Variants in TRIM61 observed in about 807,000 individuals in gnomAD.
The protein encoded by TRIM61 is tripartite motif containing 61.
Under a neutral mutation model 14.2 loss-of-function variants are expected in TRIM61, and 1 was observed. The ratio of observed to expected loss-of-function variants is 0.07; its 90% CI spans 0.03 to 0.33. The LOEUF (loss-of-function observed/expected upper bound fraction) is 0.33, where lower values mean the gene tolerates loss of function less well. Among genes scored for constraint, TRIM61 ranks in the 10% least tolerant of loss-of-function variants. TRIM61 has a pLI of 0.99. For missense variants in TRIM61, 19 were observed against 202.2 expected (o/e 0.09, Z 5.49); for synonymous variants, 8 against 71.6 (o/e 0.11, Z 4.49).
Position 164,970,383 on chromosome 4 carries a change from A to G in TRIM61, c.-337-44T>C, listed in dbSNP as rs188788366. 4.7e-3 allele frequency: 1,008 copies of G among 213,616 alleles called. 10 individuals are homozygous for G. Among genetic ancestry groups the G allele is most frequent in the African/African-American group, 0.021 (907 of 42,832 alleles). 13.2% of individuals were successfully genotyped at this position (213,616 alleles called of 1,614,324 possible). ...ACCACGTTAAAATTCCATAATCACA[A>G]ATGTATTAAACGTTCACACAAGAAT... is the stretch of plus-strand genomic sequence containing the variant. On this transcript the variant is annotated intron_variant, in intron 2 of 4. Transcript: ENST00000329314.
chr4:164,954,812 A>C (rs1731943603), intron 4 of TRIM61: 2 of 152,984 alleles, frequency 1.3e-5, no homozygotes, highest in African/African-American at 4.8e-5. Flanking sequence ...TATTTACTTA[A>C]AATTTTATTG....
intron 3 of TRIM61, among the ~76,000 whole-genome samples, chr4:164,955,583 A>C (rs1731967221): frequency 6.6e-6 from 1 of 151,894 alleles, no homozygotes; most frequent in African/African-American, 2.4e-5. Context: ...AAAAAAAAAA[A>C]AAAAAAACAA....
chr4:164,968,286 A>AC (rs1732284490), intron 3 of TRIM61: 10 of 966,888 alleles, frequency 1.0e-5, no homozygotes, highest in Non-Finnish European at 1.1e-5. Flanking sequence ...AGAAATACAG[A>AC]AAAAAATTAC....
At chr4:164,969,182 T>G (rs1732304602) in intron 3 of TRIM61, 6 of 1,220,482 alleles carry the variant, frequency 4.9e-6, no homozygotes, top group Non-Finnish European at 6.1e-6. Context: ...GTAACCATAT[T>G]TTTTTAATTT....
At chr4:164,957,053 T>A (rs1010196086) in intron 3 of TRIM61, 4 of 1,512,186 alleles carry the variant, frequency 2.6e-6, no homozygotes, top group Non-Finnish European at 3.5e-6. Context: ...GCGGGGCAGC[T>A]GTCCTCTTCT....
At chr4:164,968,087 G>A in intron 3 of TRIM61, 194 bp downstream of exon 3, 1 of 818,826 alleles carries the variant, frequency 1.2e-6, no homozygotes, top group Middle Eastern at 6.2e-4. Context: ...GGGAGACGGA[G>A]GTTGCAGTGA....
chr4:164,955,764 A>G (rs1475536132), intron 3 of TRIM61, among the ~76,000 whole-genome samples: 1 of 152,084 alleles, frequency 6.6e-6, no homozygotes, highest in Non-Finnish European at 1.5e-5. Context: ...ATCCACACAC[A>G]AGACACACAC....
rs531183881 is a variant in TRIM61, at chr4:164,956,925, G to T, written c.526-1829C>A. 112 of 1,211,152 alleles carry T rather than the reference G, an allele frequency of 9.2e-5. No individual in the cohort carries two copies. In the South Asian group the frequency reaches 1.7e-3, roughly 18 times the overall value. The allele number at this position is 1,211,152 out of a possible 1,614,324, so 75.0% of individuals were successfully genotyped here. ...AGTCGGAGCGGCAGAGCAGTGATTG[G>T]GTGCGGCCGGCACCGTCTCTGGGCT... On this transcript the variant is annotated intron_variant, in intron 3 of 4. Transcript: ENST00000329314.
intron 3 of TRIM61, among the ~76,000 whole-genome samples, chr4:164,960,393 A>C (rs1469340231): frequency 6.6e-6 from 1 of 151,928 alleles, no homozygotes. Context: ...AAATACAAAA[A>C]AAAGAAAAAA....
intron 3 of TRIM61, among the ~76,000 whole-genome samples, chr4:164,955,846 T>C (rs936525619): frequency 1.3e-5 from 2 of 151,978 alleles, no homozygotes; most frequent in Non-Finnish European, 2.9e-5. Flanking sequence ...GGCAGTTTTA[T>C]GAGATTAAAG....
chr4:164,955,495 A>G (rs903730539), intron 3 of TRIM61, among the ~76,000 whole-genome samples: 2 of 150,016 alleles, frequency 1.3e-5, no homozygotes, highest in African/African-American at 2.5e-5. Flanking sequence ...CTTGAGGTCA[A>G]GAGTTTGAGG....
chr4:164,962,894 A>G (rs1186536707), intron 3 of TRIM61, among the ~76,000 whole-genome samples: 3 of 152,198 alleles, frequency 2.0e-5, no homozygotes, highest in Non-Finnish European at 4.4e-5. Flanking sequence ...ACAAAGGATC[A>G]GTGAGAATTG....
intron 3 of TRIM61, chr4:164,957,026 G>A: frequency 6.6e-7 from 1 of 1,507,350 alleles, no homozygotes; most frequent in Non-Finnish European, 8.9e-7. Context: ...ACAGTGGATG[G>A]AAGGATGCGC....
intron 3 of TRIM61, among the ~76,000 whole-genome samples, chr4:164,967,612 T>C (rs1732271091): frequency 6.6e-6 from 1 of 152,046 alleles, no homozygotes; most frequent in Non-Finnish European, 1.5e-5. Flanking sequence ...AAGAATGCCA[T>C]CTCATTTTCT....
At chr4:164,968,067 G>T in intron 3 of TRIM61, 1 of 669,944 alleles carries the variant, frequency 1.5e-6, no homozygotes, top group Non-Finnish European at 1.8e-6. Context: ...CTGAAGAATA[G>T]CTTGAACCTG....
intron 3 of TRIM61, among the ~76,000 whole-genome samples, chr4:164,962,759 A>G (rs1053078281): frequency 9.2e-5 from 14 of 152,142 alleles, no homozygotes; most frequent in African/African-American, 3.1e-4. Flanking sequence ...TGTTTACACA[A>G]AGAAATAAAG....
intron 3 of TRIM61, among the ~76,000 whole-genome samples, chr4:164,966,095 G>T (rs185441865): frequency 5.9e-5 from 9 of 152,322 alleles, no homozygotes; most frequent in East Asian, 1.9e-4. Context: ...AAGGCTCCTT[G>T]AGAGTATTCT....
chr4:164,970,527 A>C (rs544005694), intron 2 of TRIM61, among the ~76,000 whole-genome samples, 188 bp from the exon 3 acceptor site: 1 of 152,256 alleles, frequency 6.6e-6, no homozygotes, highest in African/African-American at 2.4e-5. Context: ...ATATGGGACA[A>C]ACTTATGTGC....
At chr4:164,959,532 A>C (rs1185647403) in intron 3 of TRIM61, among the ~76,000 whole-genome samples, 1 of 152,062 alleles carries the variant, frequency 6.6e-6, no homozygotes, top group East Asian at 1.9e-4. Context: ...GCCCAGCATT[A>C]CATCTGGAGG....
Sources: allele counts gnomAD v4.1 joint callset (sites outside exome capture counted in the v4.1 genomes callset), GRCh38; gene constraint gnomAD v4.1.1; transcripts MANE v1.5; gene names NCBI Gene and HGNC (gene_info 2026-07-23, HGNC 2026-07-21).